The following SLC25A48 variants were observed in gnomAD, a reference collection of about 807,000 sequenced individuals.
The protein encoded by SLC25A48 is CTC-321K16.1.
A neutral mutation model predicts 32.2 loss-of-function variants in SLC25A48; 29 were observed. The observed-to-expected ratio is 0.90, with a 90% confidence interval of 0.67 to 1.23. The LOEUF (loss-of-function observed/expected upper bound fraction) is 1.23. SLC25A48 is among the 50% of genes most tolerant of loss of function. The probability of loss-of-function intolerance (pLI) is 0.00; values close to 1 mark genes in which losing one functional copy is unlikely to be tolerated. For missense variants in SLC25A48, 399 were observed against 422.7 expected (o/e 0.94, Z 0.49); for synonymous variants, 164 against 172.3 (o/e 0.95, Z 0.38).
chr5:135,722,399 G>T (rs1412572326), intron 3 of SLC25A48, among the ~76,000 whole-genome samples: 2 of 152,186 alleles, frequency 1.3e-5, no homozygotes, highest in Non-Finnish European at 2.9e-5. Context: ...AACCTGACTG[G>T]CTGAGGGACC....
intron 3 of SLC25A48, among the ~76,000 whole-genome samples, chr5:135,729,690 A>G (rs1010469553): frequency 6.6e-6 from 1 of 152,172 alleles, no homozygotes; most frequent in African/African-American, 2.4e-5. Context: ...CCCCTTGTGG[A>G]TAGCTCAGAA....
At chr5:135,606,630 C>T (rs537726835) in intron 1 of SLC25A48, among the ~76,000 whole-genome samples, 1 of 152,280 alleles carries the variant, frequency 6.6e-6, no homozygotes, top group African/African-American at 2.4e-5. Context: ...CCTGAACAAG[C>T]CCCCAGCTCC....
chr5:135,820,731 G>A lies in SLC25A48; in HGVS notation c.-117+7805G>A, dbSNP rs568926262. Among the ~76,000 whole-genome samples the A allele has an allele frequency of 4.6e-5, 7 of 152,282 alleles. No individual in the cohort carries two copies. In the East Asian group the frequency reaches 5.8e-4, roughly 13 times the overall value. On this transcript the variant is annotated intron_variant, in intron 4 of 10. Transcript: ENST00000646290. ...GACAAATAATTTATTCTTAAGTGACGTTGAGTCGAGTGACTATTCAAAATA... is the reference window on the plus strand; with the variant it reads ...GACAAATAATTTATTCTTAAGTGACATTGAGTCGAGTGACTATTCAAAATA...
intron 3 of SLC25A48, chr5:135,650,318 T>TA (rs1393376720): frequency 2.3e-6 from 1 of 430,372 alleles, no homozygotes; most frequent in Non-Finnish European, 4.6e-6. Flanking sequence ...CCTTGACTGG[T>TA]ACACTCCAAG....
In SLC25A48 at chr5:135,888,079, A is replaced by C; in HGVS notation, c.*55A>C. On this transcript the variant is annotated 3_prime_UTR_variant, in exon 8 of 8. Transcript: ENST00000681962. ...AGTGTTCCCTGGGCCTCATCTCTGC[A>C]TGTGAAGCCCTGAGAGCTGCAGATG... The C allele has an allele frequency of 6.4e-7, 1 of 1,551,630 alleles. No individual in the cohort carries two copies.
chr5:135,818,381 T>C (rs1357826043), intron 4 of SLC25A48, among the ~76,000 whole-genome samples: 1 of 152,174 alleles, frequency 6.6e-6, no homozygotes, highest in Non-Finnish European at 1.5e-5. Flanking sequence ...ATGAGTGGGA[T>C]AGATCTAAAC....
chr5:135,677,629 ATG>A lies in SLC25A48; in HGVS notation c.-521+42677_-521+42678del, dbSNP rs555188916. 2.3e-3 allele frequency among the ~76,000 whole-genome samples: 348 copies of A among 151,844 alleles called. 2 individuals carry two copies. Among genetic ancestry groups the A allele is most frequent in the African/African-American group, 8.0e-3 (333 of 41,402 alleles). ...CTTTACCAGTGAATGTTATATTTTT[ATG>A]TGTTTTCAAGATGGTATATGTCACC... On this transcript the variant is annotated intron_variant, in intron 3 of 10. Coordinates refer to the SLC25A48 transcript ENST00000646290.
intron 3 of SLC25A48, among the ~76,000 whole-genome samples, chr5:135,673,725 T>G (rs1753706100): frequency 2.6e-5 from 4 of 152,098 alleles, no homozygotes; most frequent in Admixed American, 2.6e-4. Context: ...TGAAGTCCAA[T>G]TTATTGTGCT....
At chr5:135,591,593 G>A (rs1042639084) in intron 1 of SLC25A48, among the ~76,000 whole-genome samples, 2 of 152,194 alleles carry the variant, frequency 1.3e-5, no homozygotes, top group African/African-American at 4.8e-5. Context: ...TCCAGCCTAC[G>A]CAGCTCCCAT....
At chr5:135,711,749 G>A (rs946564226) in intron 3 of SLC25A48, among the ~76,000 whole-genome samples, 1 of 152,262 alleles carries the variant, frequency 6.6e-6, no homozygotes, top group African/African-American at 2.4e-5. Context: ...TGCCTGGACT[G>A]TATTCTTCAG....
At chr5:135,673,029 A>G (rs1186064595) in intron 3 of SLC25A48, among the ~76,000 whole-genome samples, 3 of 152,248 alleles carry the variant, frequency 2.0e-5, no homozygotes, top group South Asian at 2.1e-4. Flanking sequence ...TTATTTTGAT[A>G]TTAATATTCC....
chr5:135,877,371 G>A (rs995143839), intron 6 of SLC25A48, among the ~76,000 whole-genome samples: 10 of 152,068 alleles, frequency 6.6e-5, no homozygotes, highest in African/African-American at 2.2e-4. Flanking sequence ...CAGACAGAGG[G>A]GGCATTTGTA....
intron 3 of SLC25A48, among the ~76,000 whole-genome samples, chr5:135,794,650 G>A (rs1757120385): frequency 6.6e-6 from 1 of 151,466 alleles, no homozygotes; most frequent in South Asian, 2.1e-4. Context: ...AGATCGCAGG[G>A]GGTGTACAAC....
chr5:135,601,624 A>G (rs1751798063), intron 1 of SLC25A48, among the ~76,000 whole-genome samples: 1 of 152,104 alleles, frequency 6.6e-6, no homozygotes. Flanking sequence ...ACTTCCTTAC[A>G]GCTTTCTCTG....
intron 3 of SLC25A48, among the ~76,000 whole-genome samples, chr5:135,735,762 T>C (rs1243513526): frequency 6.6e-6 from 1 of 152,186 alleles, no homozygotes; most frequent in African/African-American, 2.4e-5. Context: ...GGATGACATT[T>C]AAGTCACTCC....
intron 3 of SLC25A48, among the ~76,000 whole-genome samples, chr5:135,778,460 C>T (rs886953554): frequency 6.6e-5 from 10 of 151,652 alleles, no homozygotes; most frequent in Non-Finnish European, 1.3e-4. Context: ...CCACCCCGTC[C>T]CCCCGCTGTG....
intron 3 of SLC25A48, among the ~76,000 whole-genome samples, chr5:135,666,582 C>T (rs140133672): frequency 0.018 from 2,775 of 152,136 alleles, 48 homozygotes; most frequent in Non-Finnish European, 0.029. Flanking sequence ...CTAGGGCCCT[C>T]ACTCTGGGAC....
chr5:135,774,510 C>A (rs1756497435), intron 3 of SLC25A48, among the ~76,000 whole-genome samples: 1 of 151,464 alleles, frequency 6.6e-6, no homozygotes, highest in African/African-American at 2.4e-5. Flanking sequence ...AGGGCATGCA[C>A]ATGCCCCCTG....
intron 3 of SLC25A48, among the ~76,000 whole-genome samples, chr5:135,749,895 C>G (rs552140052): frequency 3.9e-5 from 6 of 152,034 alleles, no homozygotes; most frequent in African/African-American, 1.4e-4. Context: ...CCGGCCAGGA[C>G]CGCTTCTTAA....
Sources: allele counts gnomAD v4.1 joint callset (sites outside exome capture counted in the v4.1 genomes callset), GRCh38; gene constraint gnomAD v4.1.1; transcripts MANE v1.5; gene names NCBI Gene and HGNC (gene_info 2026-07-23, HGNC 2026-07-21).